Variants in MSR1 observed in about 807,000 individuals in gnomAD.
MSR1 encodes macrophage scavenger receptor 1.
Under a neutral mutation model 47.2 loss-of-function variants are expected in MSR1, and 53 were observed. That is an observed-to-expected ratio of 1.12 (90% CI 0.90 to 1.41). MSR1 has a LOEUF of 1.41. Among genes scored for constraint, MSR1 ranks in the 40% most tolerant of loss-of-function variants. The probability of loss-of-function intolerance (pLI) is 0.00; values close to 1 mark genes in which losing one functional copy is unlikely to be tolerated. For synonymous variants in MSR1, 239 were observed against 185.6 expected, an observed-to-expected ratio of 1.29 and a Z score of -2.34; for missense variants, 786 against 546.9, an observed-to-expected ratio of 1.44 and a Z score of -4.36.
rs1044738943 is a variant in MSR1, at chr8:16,108,411, A to G, written c.*1674T>C. 3 of 152,014 alleles carry G rather than the reference A, an allele frequency of 2.0e-5. No individual in the cohort carries two copies. Among genetic ancestry groups the G allele is most frequent in the African/African-American group, 7.2e-5 (3 of 41,494 alleles). The allele number at this position is 152,014 out of a possible 1,614,324, so 9.4% of individuals were successfully genotyped here. On this transcript the variant is annotated 3_prime_UTR_variant, in exon 10 of 10. Transcript: ENST00000262101. The stretch of plus-strand genomic sequence containing the variant: ...CATACCACTTACGCATAAGTAGTAA[A>G]TCAGCATACATATACCATACAGCAA...
At chr8:16,113,263 T>A (rs1468760713) in intron 9 of MSR1, among the ~76,000 whole-genome samples, 1 of 151,980 alleles carries the variant, frequency 6.6e-6, no homozygotes, top group Admixed American at 6.6e-5. Context: ...TTCACCTCTT[T>A]TTAAAAAATG....
chr8:16,111,849 T>G (rs1475454772), intron 9 of MSR1, among the ~76,000 whole-genome samples: 1 of 152,204 alleles, frequency 6.6e-6, no homozygotes, highest in Admixed American at 6.5e-5. Context: ...GATAAGGAAC[T>G]GTACGTGCTC....
rs769665362 is a variant in MSR1 at position 16,168,763 on chromosome 8, T to A, written c.325A>T (p.Arg109Ter). The change falls in exon 4 of 10, where the codon AGA becomes TGA. Residue 109 changes from arginine (R) to a stop codon, truncating the protein, a stop_gained. Coordinates refer to ENST00000262101, the MANE Select transcript of MSR1 (RefSeq NM_138715.3). LOFTEE classifies it high-confidence loss of function. ...TGTTCCATAAAGACTTCTTGAAATC[T>A]CATTTCCTCTTCGCTGTCATTTCCT... Reference protein sequence around the residue: ...GKGNDSEEEMRFQEVFMEHMS... With the variant: ...GKGNDSEEEM The A allele has an allele frequency of 6.2e-7, 1 of 1,614,198 alleles. No individual in the cohort carries two copies. The highest frequency in any genetic ancestry group is 1.1e-5 in the South Asian group (1 of 91,086).
At chr8:16,120,794 T>C (rs1024076731) in intron 8 of MSR1, 188 bp from the exon 9 acceptor site, 9 of 737,684 alleles carry the variant, frequency 1.2e-5, no homozygotes, top group East Asian at 1.1e-4. Context: ...TAACTGCAAA[T>C]ATTGCAGCTT....
chr8:16,164,941 T>C (rs985527546), intron 4 of MSR1, among the ~76,000 whole-genome samples: 2 of 152,086 alleles, frequency 1.3e-5, no homozygotes, highest in African/African-American at 4.8e-5. Context: ...CTCAATAATA[T>C]ATTAAGGATA....
intron 8 of MSR1, among the ~76,000 whole-genome samples, chr8:16,125,160 A>G (rs535870585): frequency 6.6e-6 from 1 of 152,292 alleles, no homozygotes; most frequent in Non-Finnish European, 1.5e-5. Context: ...GAGCAGATCT[A>G]TCTCTTAGAG....
intron 7 of MSR1, among the ~76,000 whole-genome samples, chr8:16,149,034 G>A (rs1301284419): frequency 1.3e-5 from 2 of 152,102 alleles, no homozygotes; most frequent in African/African-American, 4.8e-5. Flanking sequence ...GTGGTGGGGA[G>A]GAATAGAGTT....
At chr8:16,164,043 G>A in intron 5 of MSR1, 22 bp downstream of exon 5, 1 of 1,569,148 alleles carries the variant, frequency 6.4e-7, no homozygotes, top group Non-Finnish European at 8.7e-7. Context: ...TCATTTTCTG[G>A]AGAAATGACA....
intron 2 of MSR1, among the ~76,000 whole-genome samples, chr8:16,175,506 T>G (rs1347752731): frequency 6.6e-6 from 1 of 152,204 alleles, no homozygotes; most frequent in East Asian, 1.9e-4. Context: ...CTTGACTGAC[T>G]TATCCACTCA....
chr8:16,190,519 C>T (rs928782912), intron 1 of MSR1, among the ~76,000 whole-genome samples: 1 of 151,902 alleles, frequency 6.6e-6, no homozygotes, highest in Non-Finnish European at 1.5e-5. Flanking sequence ...CTGTAATTGT[C>T]TGTCATACAT....
At chr8:16,177,755 A>G (rs1006864386) in intron 2 of MSR1, 131 bp downstream of exon 2, 46 of 713,998 alleles carry the variant, frequency 6.4e-5, no homozygotes, top group South Asian at 1.5e-5. Context: ...TCTCAAGAAT[A>G]CCCCTGTTGG....
intron 1 of MSR1, chr8:16,186,263 A>G: frequency 1.4e-6 from 2 of 1,439,420 alleles, no homozygotes; most frequent in African/African-American, 2.8e-5. Context: ...CAACGTCTCA[A>G]CAGCAGAGTG....
At chr8:16,128,720 G>C (rs767395695) in intron 8 of MSR1, among the ~76,000 whole-genome samples, 2 of 152,054 alleles carry the variant, frequency 1.3e-5, no homozygotes, top group Non-Finnish European at 2.9e-5. Context: ...TTTATAGGTG[G>C]AGTTAAGCTA....
intron 1 of MSR1, among the ~76,000 whole-genome samples, chr8:16,183,603 T>A (rs541146890): frequency 3.9e-4 from 54 of 136,790 alleles, no homozygotes; most frequent in African/African-American, 1.4e-3. Context: ...ATATATTATA[T>A]AATAGGCAAA....
In MSR1 at chr8:16,168,685, G is replaced by C; in HGVS notation, c.403C>G (p.Leu135Val). 6.2e-7 allele frequency: 1 copy of C among 1,614,082 alleles called. No homozygotes were observed. Among genetic ancestry groups the C allele is most frequent in the South Asian group, 1.1e-5 (1 of 91,080 alleles). Reference protein sequence around the residue: ...IQHILDMEANLMDTEHFQNFS... With the variant: ...IQHILDMEANVMDTEHFQNFS... ...TTTTGGAAATGCTCTGTGTCCATGA[G>C]GTTGGCTTCCATGTCTAAAATATGC... Residue 135 changes from leucine to valine, a missense_variant, in exon 4 of 10, where the codon CTC (leucine) becomes GTC (valine). Transcript: ENST00000262101.
rs759882712 is a variant in MSR1 at position 16,143,550 on chromosome 8, A to G, written c.1033+8T>C. 3.8e-5 allele frequency: 62 copies of G among 1,610,406 alleles called. 2 individuals are homozygous for G. The South Asian group carries it at 4.2e-4, about 11-fold the overall frequency. On this transcript the variant is annotated splice_region_variant and intron_variant, in intron 8 of 9. Coordinates refer to ENST00000262101, the MANE Select transcript of MSR1 (RefSeq NM_138715.3). ...ATTCACACAGAAAACAAAATACTAT[A>G]TACTTACTTAATGTGTTTCCACTCC...
intron 8 of MSR1, among the ~76,000 whole-genome samples, chr8:16,134,842 T>C (rs76313722): frequency 1.3e-5 from 2 of 152,292 alleles, no homozygotes; most frequent in African/African-American, 4.8e-5. Context: ...ATTGCCGATA[T>C]AAAGTTTTAG....
At chr8:16,137,419 T>C (rs1216324195) in intron 8 of MSR1, among the ~76,000 whole-genome samples, 1 of 151,834 alleles carries the variant, frequency 6.6e-6, no homozygotes, top group African/African-American at 2.4e-5. Flanking sequence ...ACAAATTTCT[T>C]CCTTTTCTGC....
chr8:16,152,839 G>T, intron 6 of MSR1, among the ~76,000 whole-genome samples: 1 of 151,968 alleles, frequency 6.6e-6, no homozygotes. Flanking sequence ...CAGAGATTCT[G>T]TATCTGTTTA....
Sources: gnomAD v4.1 joint callset for allele counts (sites outside exome capture counted in the v4.1 genomes callset) on GRCh38, gnomAD v4.1.1 for gene constraint, MANE v1.5 for transcripts, NCBI Gene and HGNC (gene_info 2026-07-23, HGNC 2026-07-21) for gene names.